Variants in POLR2M observed in about 807,000 individuals in gnomAD.
POLR2M encodes the protein protein GRINL1A.
POLR2M carries 30 observed loss-of-function variants against 34.6 expected under a neutral mutation model. That is an observed-to-expected ratio of 0.87 (90% confidence interval 0.65 to 1.18). POLR2M has a LOEUF of 1.18. Among genes scored for constraint, POLR2M ranks in the 50% most tolerant of loss-of-function variants. The pLI, the probability that POLR2M is intolerant of heterozygous loss-of-function variation, is 0.00. For missense variants in POLR2M, 432 were observed against 448.7 expected, an observed-to-expected ratio of 0.96 and a Z score of 0.34; for synonymous variants, 150 against 166.7, an observed-to-expected ratio of 0.90 and a Z score of 0.77.
chr15:57,712,214 C>G, intron 3 of POLR2M, 26 bp downstream of exon 3: 1 of 1,612,348 alleles, frequency 6.2e-7, no homozygotes, highest in Non-Finnish European at 8.5e-7. Flanking sequence ...TTTTTCTTGT[C>G]TGTTTGTTGG....
chr15:57,708,102 G>C (rs1475222871), intron 1 of POLR2M, among the ~76,000 whole-genome samples: 7 of 152,164 alleles, frequency 4.6e-5, no homozygotes, highest in Admixed American at 4.6e-4. Flanking sequence ...TTTGGTCTCA[G>C]GACTCCGTTA....
rs2040975168 is a variant in POLR2M at position 57,717,055 on chromosome 15, A to T, written c.*2376A>T. Reference sequence around the variant, plus strand: ...TTTGGTTATATTATATAAGGTAGGGATTTGATTTTATTTCGAAGAATTTAC... The same window carrying T: ...TTTGGTTATATTATATAAGGTAGGGTTTTGATTTTATTTCGAAGAATTTAC... On this transcript the variant is annotated 3_prime_UTR_variant, in exon 4 of 4. Coordinates refer to ENST00000299638, the MANE Select transcript of POLR2M (RefSeq NM_015532.5). The T allele has an allele frequency of 6.6e-6, 1 of 152,148 alleles. No individual in the cohort carries two copies. The highest frequency in any genetic ancestry group is 2.1e-4 in the South Asian group (1 of 4,828). 9.4% of individuals were successfully genotyped at this position (152,148 alleles called of 1,614,324 possible). A position where few individuals can be genotyped will look rare whatever the true frequency, so the allele number is the denominator to read the frequency against.
chr15:57,713,817 CTTCTT>C (rs2040832314), intron 3 of POLR2M, among the ~76,000 whole-genome samples: 1 of 111,656 alleles, frequency 9.0e-6, no homozygotes, highest in African/African-American at 3.6e-5. Flanking sequence ...AGCATTAGTC[CTTCTT>C]TTTTTTTTTT....
Position 57,709,297 on chromosome 15 carries a change from G to A in POLR2M, c.697G>A (p.Glu233Lys), listed in dbSNP as rs2040617780. 1 of 1,614,162 alleles carries A rather than the reference G, an allele frequency of 6.2e-7. No homozygotes were observed. Among genetic ancestry groups the A allele is most frequent in the African/African-American group, 1.3e-5 (1 of 75,042 alleles). The change falls in exon 2 of 4, where the codon GAA (glutamate) becomes AAA (lysine). Residue 233 changes from glutamate to lysine, a missense_variant. Transcript: ENST00000299638. ...GACTGAGAAGAAACCTCATTACATG[G>A]AAGTGCTAGAAATGCGAGCCAAAAA... is the stretch of plus-strand genomic sequence containing the variant. The part of the protein sequence containing the change: ...SGTEKKPHYM[E>K]VLEMRAKNPV...
chr15:57,708,700 T>G lies in POLR2M; in HGVS notation c.114-14T>G, dbSNP rs1486689870. 1 of 1,561,174 alleles carries G rather than the reference T, an allele frequency of 6.4e-7. No homozygotes were observed. The highest frequency in any genetic ancestry group is 2.2e-5 in the East Asian group (1 of 44,568). ...AATGGCTGTAATGTAATAGTATTCT[T>G]TTCCATTTGACAGAAAATTCATTTG... On this transcript the variant is annotated splice_polypyrimidine_tract_variant and intron_variant, in intron 1 of 3. Coordinates refer to ENST00000299638, the MANE Select transcript of POLR2M (RefSeq NM_015532.5).
Position 57,706,813 on chromosome 15 carries a change from C to G in POLR2M, c.-30C>G. 1.3e-6 allele frequency: 2 copies of G among 1,541,572 alleles called. No individual in the cohort carries two copies. The highest frequency in any genetic ancestry group is 8.8e-7 in the Non-Finnish European group (1 of 1,139,520). On this transcript the variant is annotated 5_prime_UTR_variant, in exon 1 of 4. Coordinates refer to ENST00000299638, the MANE Select transcript of POLR2M (RefSeq NM_015532.5). The stretch of plus-strand genomic sequence containing the variant: ...GGGCCTGCCGAGGAAGCCGAGTGCC[C>G]GCCGCCGCGCCAGCCTCAGCCCGCG...
intron 3 of POLR2M, among the ~76,000 whole-genome samples, chr15:57,713,969 CG>C (rs2040844466): frequency 6.6e-6 from 1 of 150,600 alleles, no homozygotes. Flanking sequence ...CTTGTGAACC[CG>C]GGAACACGCC....
Position 57,710,730 on chromosome 15 carries a change from AC to A in POLR2M, c.759-1252del, listed in dbSNP as rs561987192. ...AGGTAAGGGAATAGTGAAGAGGGCT[AC>A]CAAGAATTCAGGAAGTTTAAGAGAC... On this transcript the variant is annotated intron_variant, in intron 2 of 3. Coordinates refer to ENST00000299638, the MANE Select transcript of POLR2M (RefSeq NM_015532.5). Among the ~76,000 whole-genome samples the A allele has an allele frequency of 3.9e-5, 6 of 152,334 alleles. No individual in the cohort carries two copies. The East Asian group carries it at 1.2e-3, about 29-fold the overall frequency.
rs1595993324 is a variant in POLR2M at position 57,717,411 on chromosome 15, A to G, written c.*2732A>G. The stretch of plus-strand genomic sequence containing the variant: ...AAATCTCTGTGTGTCCCCTCTTGAC[A>G]CTCACTGTTTCCCCCAGAGCTAACT... On this transcript the variant is annotated 3_prime_UTR_variant, in exon 4 of 4. Coordinates refer to ENST00000299638, the MANE Select transcript of POLR2M (RefSeq NM_015532.5). 1.3e-5 allele frequency: 2 copies of G among 152,196 alleles called. No individual in the cohort carries two copies. The highest frequency in any genetic ancestry group is 6.5e-5 in the Admixed American group (1 of 15,282). 9.4% of individuals were successfully genotyped at this position (152,196 alleles called of 1,614,324 possible). A position where few individuals can be genotyped will look rare whatever the true frequency, so the allele number is the denominator to read the frequency against.
intron 2 of POLR2M, among the ~76,000 whole-genome samples, chr15:57,710,183 G>A (rs1408900098): frequency 6.6e-6 from 1 of 151,922 alleles, no homozygotes; most frequent in Non-Finnish European, 1.5e-5. Context: ...GCTGAGAAGA[G>A]GTTTGAAAAA....
intron 3 of POLR2M, 76 bp downstream of exon 3, chr15:57,712,264 G>A: frequency 6.5e-7 from 1 of 1,545,768 alleles, no homozygotes; most frequent in South Asian, 1.2e-5. Flanking sequence ...CAGGTTCAAG[G>A]AGGAAGGAAT....
At chr15:57,706,984 C>T (rs1329155704) in intron 1 of POLR2M, 29 bp downstream of exon 1, 1 of 1,559,562 alleles carries the variant, frequency 6.4e-7, no homozygotes, top group Non-Finnish European at 8.7e-7. Context: ...GAGTCTCCGC[C>T]AGGCTCCTTC....
chr15:57,714,545 G>T lies in POLR2M; in HGVS notation c.973G>T (p.Ala325Ser). 1 of 1,613,542 alleles carries T rather than the reference G, an allele frequency of 6.2e-7. No individual in the cohort carries two copies. The highest frequency in any genetic ancestry group is 8.5e-7 in the Non-Finnish European group (1 of 1,179,762). The change falls in exon 4 of 4, where the codon GCA becomes TCA. Residue 325 changes from alanine (A) to serine (S), a missense_variant. Transcript: ENST00000299638. ...QQKQNYEEMQ[A>S]KLAAQKLAER... ...GCTCTTTGTTTTAAAGGAGATGCAA[G>T]CAAAGCTCGCAGCGCAAAAATTAGC...
rs530288756 is a variant in POLR2M, at chr15:57,710,163, G to T, written c.758+805G>T. 2.4e-4 allele frequency among the ~76,000 whole-genome samples: 36 copies of T among 152,270 alleles called. 1 individual carries two copies. In the South Asian group the frequency reaches 7.2e-3, roughly 31 times the overall value. ...AGCTACATAATAATAACAGTTTCAG[G>T]GGGAAGGAAGCTGAGAAGAGGTTTG... On this transcript the variant is annotated intron_variant, in intron 2 of 3. Coordinates refer to ENST00000299638, the MANE Select transcript of POLR2M (RefSeq NM_015532.5).
chr15:57,707,108 T>A (rs1433154489), intron 1 of POLR2M, 153 bp downstream of exon 1: 13 of 1,546,134 alleles, frequency 8.4e-6, no homozygotes, highest in Non-Finnish European at 9.6e-6. Flanking sequence ...GACGGAGGGC[T>A]TGCTGCGGCA....
intron 2 of POLR2M, 147 bp from the exon 3 acceptor site, chr15:57,711,837 T>C: frequency 2.1e-6 from 2 of 933,902 alleles, no homozygotes; most frequent in Admixed American, 2.7e-5. Flanking sequence ...CACCCCTATT[T>C]GTTAGAGCAA....
At position 57,714,847 on chromosome 15, in the gene POLR2M, T is replaced by G. The variant is rs1365857957; in HGVS notation, c.*168T>G. 8.7e-7 allele frequency: 1 copy of G among 1,153,682 alleles called. No homozygotes were observed. Among genetic ancestry groups the G allele is most frequent in the African/African-American group, 1.6e-5 (1 of 63,572 alleles). The allele number at this position is 1,153,682 out of a possible 1,614,324, so 71.5% of individuals were successfully genotyped here. A position where few individuals can be genotyped will look rare whatever the true frequency, so the allele number is the denominator to read the frequency against. Reference sequence around the variant, plus strand: ...TGTCTTTCAGAAGGTGACTTTCATGTGCTTGAAAAGTTTAATATTTGAATA... The same window carrying G: ...TGTCTTTCAGAAGGTGACTTTCATGGGCTTGAAAAGTTTAATATTTGAATA... On this transcript the variant is annotated 3_prime_UTR_variant, in exon 4 of 4. Coordinates refer to ENST00000299638, the MANE Select transcript of POLR2M (RefSeq NM_015532.5).
Position 57,714,841 on chromosome 15 carries a change from T to G in POLR2M, c.*162T>G. Reference sequence around the variant, plus strand: ...CCAGTTTGTCTTTCAGAAGGTGACTTTCATGTGCTTGAAAAGTTTAATATT... The same window carrying G: ...CCAGTTTGTCTTTCAGAAGGTGACTGTCATGTGCTTGAAAAGTTTAATATT... On this transcript the variant is annotated 3_prime_UTR_variant, in exon 4 of 4. Coordinates refer to ENST00000299638, the MANE Select transcript of POLR2M (RefSeq NM_015532.5). 2 of 1,189,216 alleles carry G rather than the reference T, an allele frequency of 1.7e-6. No homozygotes were observed. The highest frequency in any genetic ancestry group is 2.3e-6 in the Non-Finnish European group (2 of 864,080). The allele number at this position is 1,189,216 out of a possible 1,614,324, so 73.7% of individuals were successfully genotyped here. A position where few individuals can be genotyped will look rare whatever the true frequency, so the allele number is the denominator to read the frequency against.
rs1172945510 is a variant in POLR2M at position 57,715,438 on chromosome 15, A to T, written c.*759A>T. The T allele has an allele frequency of 1.3e-5, 2 of 151,806 alleles. No individual in the cohort carries two copies. The highest frequency in any genetic ancestry group is 4.8e-5 in the African/African-American group (2 of 41,318). 9.4% of individuals were successfully genotyped at this position (151,806 alleles called of 1,614,324 possible). ...ATCTAGGTGGAGGTCTTTTTAAATA[A>T]CCTCATGTTACTTCAGGCAAATCTG... On this transcript the variant is annotated 3_prime_UTR_variant, in exon 4 of 4. Transcript: ENST00000299638.
Sources: gnomAD v4.1 joint callset for allele counts (sites outside exome capture counted in the v4.1 genomes callset) on GRCh38, gnomAD v4.1.1 for gene constraint, MANE v1.5 for transcripts, NCBI Gene and HGNC (gene_info 2026-07-23, HGNC 2026-07-21) for gene names.